Variants in TRIM51G observed in about 807,000 individuals in gnomAD.
The protein encoded by TRIM51G is tripartite motif-containing protein 51G.
At chr11:48,983,308 A>T in the TRIM51G span, among the ~76,000 whole-genome samples, 1 of 148,110 alleles carries the variant, frequency 6.8e-6, no homozygotes, top group African/African-American at 2.5e-5. Context: ...TTTGGAGAGC[A>T]TTCTTATTTC....
the TRIM51G span, among the ~76,000 whole-genome samples, chr11:48,982,272 T>C: frequency 6.6e-5 from 10 of 152,088 alleles, no homozygotes; most frequent in African/African-American, 2.4e-4. Flanking sequence ...TGAAAAATAT[T>C]GGGTTTTTCT....
At chr11:48,978,619 A>G in the TRIM51G span, among the ~76,000 whole-genome samples, 1 of 152,178 alleles carries the variant, frequency 6.6e-6, no homozygotes, top group Non-Finnish European at 1.5e-5. Context: ...TTGATGAGAA[A>G]TATTTCTTGG....
the TRIM51G span, among the ~76,000 whole-genome samples, chr11:48,982,596 C>T: frequency 6.6e-6 from 1 of 151,882 alleles, no homozygotes; most frequent in African/African-American, 2.4e-5. Flanking sequence ...AGGCAGTTTC[C>T]TCTTTTTCTC....
At chr11:48,975,866 A>G in the TRIM51G span, 3 of 934,292 alleles carry the variant, frequency 3.2e-6, no homozygotes, top group Non-Finnish European at 5.2e-6. Context: ...TCAGCCCCCC[A>G]TTGAAGAAAA....
chr11:48,982,069 A>T, the TRIM51G span, among the ~76,000 whole-genome samples: 1 of 151,864 alleles, frequency 6.6e-6, no homozygotes, highest in African/African-American at 2.4e-5. Context: ...ACTGTGGGAG[A>T]GGTGTAGAAA....
the TRIM51G span, chr11:48,981,030 A>G: frequency 1.6e-6 from 1 of 644,876 alleles, no homozygotes; most frequent in South Asian, 1.5e-5. Flanking sequence ...TTGAAGCACA[A>G]GTGAAGACAA....
At chr11:48,977,815 T>G in the TRIM51G span, among the ~76,000 whole-genome samples, 1 of 152,100 alleles carries the variant, frequency 6.6e-6, no homozygotes, top group African/African-American at 2.4e-5. Context: ...TATGAAGGCT[T>G]TTGAGCAATA....
At chr11:48,975,594 G>T in the TRIM51G span, 1 of 1,385,514 alleles carries the variant, frequency 7.2e-7, no homozygotes, top group Non-Finnish European at 1.0e-6. Flanking sequence ...CATCAACAAA[G>T]CTCACGGTCC....
chr11:48,983,384 T>G, the TRIM51G span, among the ~76,000 whole-genome samples: 1 of 151,892 alleles, frequency 6.6e-6, no homozygotes, highest in Admixed American at 6.6e-5. Context: ...AAAAGCTTAA[T>G]GTTATGAAAG....
At chr11:48,981,678 C>T in the TRIM51G span, 29 of 1,599,100 alleles carry the variant, frequency 1.8e-5, no homozygotes, top group Non-Finnish European at 2.4e-5. Flanking sequence ...GGAAGACTTG[C>T]AAGATTCCAG....
chr11:48,981,294 C>T, the TRIM51G span: 3 of 1,605,626 alleles, frequency 1.9e-6, no homozygotes, highest in Non-Finnish European at 2.6e-6. Flanking sequence ...CCCGGCGTTC[C>T]TCAGCAGCCC....
chr11:48,977,299 C>T, the TRIM51G span: 1 of 563,104 alleles, frequency 1.8e-6, no homozygotes, highest in South Asian at 1.8e-5. Context: ...TTGCTAATTC[C>T]AAAATTATCA....
At chr11:48,979,924 T>A in the TRIM51G span, among the ~76,000 whole-genome samples, 1 of 151,800 alleles carries the variant, frequency 6.6e-6, no homozygotes, top group Non-Finnish European at 1.5e-5. Context: ...GTTTTGCTTC[T>A]CTGTGAATTT....
At chr11:48,976,885 A>G in the TRIM51G span, among the ~76,000 whole-genome samples, 1 of 151,714 alleles carries the variant, frequency 6.6e-6, no homozygotes, top group South Asian at 2.1e-4. Context: ...CCCAGAATAT[A>G]TTTGTTTTTC....
the TRIM51G span, chr11:48,981,590 G>A: frequency 2.2e-5 from 35 of 1,601,392 alleles, no homozygotes; most frequent in Middle Eastern, 1.5e-3. Context: ...AAACAGGGCC[G>A]GCAAAAGCTG....
the TRIM51G span, chr11:48,975,726 G>T: frequency 1.9e-6 from 3 of 1,556,316 alleles, no homozygotes; most frequent in African/African-American, 1.4e-5. Context: ...CAAGAAGAAA[G>T]AGTCCCACCT....
At chr11:48,979,843 C>CAT in the TRIM51G span, among the ~76,000 whole-genome samples, 1 of 116,802 alleles carries the variant, frequency 8.6e-6, no homozygotes, top group Non-Finnish European at 2.1e-5. Flanking sequence ...CCCAGATACA[C>CAT]ATATATATTC....
At chr11:48,981,387 G>A in the TRIM51G span, 1 of 1,607,696 alleles carries the variant, frequency 6.2e-7, no homozygotes, top group Non-Finnish European at 8.5e-7. Context: ...CCACTTCACA[G>A]AACATCTCCT....
At chr11:48,978,364 A>T in the TRIM51G span, among the ~76,000 whole-genome samples, 1 of 152,124 alleles carries the variant, frequency 6.6e-6, no homozygotes, top group Non-Finnish European at 1.5e-5. Flanking sequence ...AGTTTTGAAG[A>T]CATTCTTTTT....
Sources: allele counts gnomAD v4.1 joint callset (sites outside exome capture counted in the v4.1 genomes callset), GRCh38; gene constraint gnomAD v4.1.1; transcripts MANE v1.5; gene names NCBI Gene and HGNC (gene_info 2026-07-23, HGNC 2026-07-21).